KANK4: variants seen among roughly 807,000 people sequenced by gnomAD.
KANK4 encodes KN motif and ankyrin repeat domains 4.
A neutral mutation model predicts 80.8 loss-of-function variants in KANK4; 50 were observed. The ratio of observed to expected loss-of-function variants is 0.62; its 90% CI spans 0.49 to 0.78. The LOEUF (loss-of-function observed/expected upper bound fraction) is 0.78, where lower values mean the gene tolerates loss of function less well. Ranked by LOEUF, KANK4 falls within the 30% of genes least tolerant of loss-of-function variation. The pLI is 0.00. For missense variants in KANK4, 1,196 were observed against 1,240.1 expected (o/e 0.96, Z 0.53); for synonymous variants, 465 against 506.9 (o/e 0.92, Z 1.11).
chr1:62,258,282 C>G (rs6587963), intron 7 of KANK4, among the ~76,000 whole-genome samples: 29,676 of 152,128 alleles, frequency 0.2, 3,700 homozygotes, highest in East Asian at 0.69. Context: ...ATTGAAAAAG[C>G]AGTAGCTGCT....
chr1:62,308,325 C>A lies in KANK4; in HGVS notation c.-71+10781G>T, dbSNP rs77190870. ...GAGGGGCCTAATGACCTCCTATTGC[C>A]CAGGGCGGCTGCCTGGCCAGATAAT... On this transcript the variant is annotated intron_variant, in intron 1 of 9. Coordinates refer to ENST00000371153, the MANE Select transcript of KANK4 (RefSeq NM_181712.5). 1.2e-3 allele frequency among the ~76,000 whole-genome samples: 181 copies of A among 152,254 alleles called. 6 individuals carry two copies. The East Asian group carries it at 0.032, about 27-fold the overall frequency.
chr1:62,274,259 G>C lies in KANK4; in HGVS notation c.845C>G (p.Pro282Arg). The change falls in exon 3 of 10, where the codon CCT becomes CGT. Residue 282 changes from proline (P) to arginine (R), a missense_variant. Around this residue, in one of 3 missense-constraint regions of KANK4, gnomAD observed 1,154 missense variants for 1,179.6 expected, o/e 0.98. Transcript: ENST00000371153. ...EAEVLFTPGS[P>R]TPSPPPLPSP... is the part of the protein sequence containing the mutation. ...TGGCAGAGGTGGCGGGCTTGGCGTA[G>C]GGGAGCCAGGGGTGAACAACACCTC... 1.2e-6 allele frequency: 2 copies of C among 1,613,996 alleles called. No individual in the cohort carries two copies. Among genetic ancestry groups the C allele is most frequent in the Non-Finnish European group, 1.7e-6 (2 of 1,179,930 alleles).
In KANK4 at chr1:62,266,734, A is replaced by G; in HGVS notation, c.2317T>C (p.Leu773=). The G allele has an allele frequency of 6.3e-7, 1 of 1,595,148 alleles. No homozygotes were observed. Among genetic ancestry groups the G allele is most frequent in the Non-Finnish European group, 8.6e-7 (1 of 1,163,402 alleles). The change falls in exon 6 of 10, where the codon TTG becomes CTG. Residue 773 remains leucine, a splice_region_variant and synonymous_variant. Coordinates refer to ENST00000371153, the MANE Select transcript of KANK4 (RefSeq NM_181712.5). ...PETGTTTDQL[L]RQSLNTISQE... The stretch of plus-strand genomic sequence containing the variant: ...ATGACAATGAAAAATTAGAGTACCA[A>G]GAGCTGGTCTGTGGTGGTCCCAGTT...
At chr1:62,307,392 G>A (rs1387252744) in intron 1 of KANK4, among the ~76,000 whole-genome samples, 1 of 147,462 alleles carries the variant, frequency 6.8e-6, no homozygotes, top group Non-Finnish European at 1.5e-5. Context: ...TGAGGAAGGA[G>A]AATGGCTTGA....
At chr1:62,301,213 C>T (rs1644409115) in intron 1 of KANK4, among the ~76,000 whole-genome samples, 1 of 152,048 alleles carries the variant, frequency 6.6e-6, no homozygotes. Flanking sequence ...CCTGCAATTA[C>T]CGAGTTCAAC....
intron 9 of KANK4, 28 bp downstream of exon 9, chr1:62,247,444 C>G: frequency 6.2e-7 from 1 of 1,608,462 alleles, no homozygotes; most frequent in Non-Finnish European, 8.5e-7. Context: ...CCAGCAACAG[C>G]TACTTGTTAA....
At chr1:62,281,509 T>G (rs1672450295) in intron 2 of KANK4, 40 bp downstream of exon 2, 2 of 1,613,742 alleles carry the variant, frequency 1.2e-6, no homozygotes, top group Non-Finnish European at 1.7e-6. Context: ...CCAGCCCAAG[T>G]GCTTATCTTA....
At chr1:62,308,628 C>A (rs1181151405) in intron 1 of KANK4, among the ~76,000 whole-genome samples, 2 of 152,132 alleles carry the variant, frequency 1.3e-5, no homozygotes, top group Non-Finnish European at 2.9e-5. Context: ...GTTTCCAGCA[C>A]CCACCAACAC....
At chr1:62,281,430 C>A in intron 2 of KANK4, 119 bp downstream of exon 2, 4 of 1,213,590 alleles carry the variant, frequency 3.3e-6, no homozygotes, top group Non-Finnish European at 4.9e-6. Flanking sequence ...ACCAGCACTG[C>A]CTGTTTGAGG....
At chr1:62,290,359 G>C (rs1672653813) in intron 1 of KANK4, among the ~76,000 whole-genome samples, 1 of 152,128 alleles carries the variant, frequency 6.6e-6, no homozygotes. Context: ...AGGTCTCCAG[G>C]GAAGACCCCA....
At position 62,266,623 on chromosome 1, in the gene KANK4, T is replaced by A. The variant is rs930827014; in HGVS notation, c.2319+109A>T. On this transcript the variant is annotated intron_variant, in intron 6 of 9. Coordinates refer to ENST00000371153, the MANE Select transcript of KANK4 (RefSeq NM_181712.5). ...ACTGCACACTCACACCACTGCACACTCACACCACTGCCTGCCTCACACCAC... is the reference window on the plus strand; with the variant it reads ...ACTGCACACTCACACCACTGCACACACACACCACTGCCTGCCTCACACCAC... 1.1e-5 allele frequency: 8 copies of A among 731,436 alleles called. No individual in the cohort carries two copies. The African/African-American group carries it at 1.2e-4, about 11-fold the overall frequency. The allele number at this position is 731,436 out of a possible 1,614,324, so 45.3% of individuals were successfully genotyped here.
At chr1:62,266,883 T>C (rs1570991050) in intron 5 of KANK4, 64 bp from the exon 6 acceptor site, 1 of 1,024,948 alleles carries the variant, frequency 9.8e-7, no homozygotes, top group East Asian at 2.6e-5. Flanking sequence ...AAACAAGACT[T>C]TCACTCTCCT....
At position 62,273,233 on chromosome 1, in the gene KANK4, GGCTCCTTGGGTGGGTGA is replaced by G; in HGVS notation, c.1854_1870del (p.His619ThrfsTer18). 2 of 1,518,152 alleles carry G rather than the reference GGCTCCTTGGGTGGGTGA, an allele frequency of 1.3e-6. No individual in the cohort carries two copies. Among genetic ancestry groups the G allele is most frequent in the Non-Finnish European group, 1.8e-6 (2 of 1,132,994 alleles). 94.0% of individuals were successfully genotyped at this position (1,518,152 alleles called of 1,614,324 possible). A position where few individuals can be genotyped will look rare whatever the true frequency, so the allele number is the denominator to read the frequency against. ...TGGCGGGGAGGAGGAGGAGGCCGGTGGCTCCTTGGGTGGGTGAGCCTGGGCCGAGTAGGCCGACAGCA... is the reference window on the plus strand; with the variant it reads ...TGGCGGGGAGGAGGAGGAGGCCGGTGGCCTGGGCCGAGTAGGCCGACAGCA... On this transcript the variant is annotated frameshift_variant, in exon 3 of 10. Transcript: ENST00000371153. LOFTEE classifies it high-confidence loss of function.
intron 8 of KANK4, among the ~76,000 whole-genome samples, chr1:62,250,537 G>A (rs1027591775): frequency 4.6e-5 from 7 of 152,156 alleles, no homozygotes; most frequent in Non-Finnish European, 7.3e-5. Context: ...CTCTTCACAT[G>A]TGAAGGCCCA....
intron 8 of KANK4, among the ~76,000 whole-genome samples, chr1:62,250,710 A>T (rs4244155): frequency 0.73 from 110,939 of 151,882 alleles, 40,803 homozygotes; most frequent in East Asian, 0.83. Flanking sequence ...GGGACAATTT[A>T]GAAAATAATT....
At chr1:62,249,383 T>C (rs1028342977) in intron 8 of KANK4, among the ~76,000 whole-genome samples, 8 of 147,986 alleles carry the variant, frequency 5.4e-5, no homozygotes, top group African/African-American at 1.5e-4. Context: ...TATATACATG[T>C]ATTTTTTTTT....
At chr1:62,311,301 C>CT (rs397783528) in intron 1 of KANK4, among the ~76,000 whole-genome samples, 3 of 4,256 alleles carry the variant, frequency 7.0e-4, no homozygotes, top group African/African-American at 1.4e-3. Context: ...ACCAATACAA[C>CT]GGGAATGATA....
chr1:62,282,491 A>G (rs1193038712), intron 1 of KANK4, among the ~76,000 whole-genome samples: 5 of 152,230 alleles, frequency 3.3e-5, no homozygotes, highest in Admixed American at 3.3e-4. Flanking sequence ...GTGCTTGACA[A>G]TGAACTCCAG....
At chr1:62,251,212 C>T (rs1671608706) in intron 8 of KANK4, among the ~76,000 whole-genome samples, 1 of 152,138 alleles carries the variant, frequency 6.6e-6, no homozygotes, top group African/African-American at 2.4e-5. Context: ...CTTTGTGGCC[C>T]TCCTCACACT....
Sources: gnomAD v4.1 joint callset for allele counts (sites outside exome capture counted in the v4.1 genomes callset) on GRCh38, gnomAD v4.1.1 for gene constraint, gnomAD v4.1.1 regional missense constraint, MANE v1.5 for transcripts, NCBI Gene and HGNC (gene_info 2026-07-23, HGNC 2026-07-21) for gene names.